Variants in FOXRED2 observed in about 807,000 individuals in gnomAD.
FOXRED2 encodes the protein FAD-dependent oxidoreductase domain-containing protein 2.
In FOXRED2, 32 loss-of-function variants were observed where a neutral mutation model predicts 52.5. That is an observed-to-expected ratio of 0.61 (90% CI 0.46 to 0.82). FOXRED2 has a LOEUF of 0.82. FOXRED2 is among the 40% of genes least tolerant of loss of function. FOXRED2 has a pLI of 0.00. For synonymous variants in FOXRED2, 405 were observed against 398.1 expected (o/e 1.02, Z -0.21); for missense variants, 848 against 937.5 (o/e 0.90, Z 1.25).
At position 36,506,411 on chromosome 22, in the gene FOXRED2, G is replaced by T; in HGVS notation, c.12C>A (p.Ser4=). The change falls in exon 2 of 9, where the codon TCC becomes TCA. Residue 4 remains serine (S), a synonymous_variant. Transcript: ENST00000397224. ...GGGGACCCCACAACGGGGCCGCAGCGGAGAGGCCCATCCTGCAGCAGATCA... is the reference window on the plus strand; with the variant it reads ...GGGGACCCCACAACGGGGCCGCAGCTGAGAGGCCCATCCTGCAGCAGATCA... The part of the protein sequence containing the change: MGL[S]AAAPLWGPPG... 9 of 1,436,308 alleles carry T rather than the reference G, an allele frequency of 6.3e-6. No individual in the cohort carries two copies. The highest frequency in any genetic ancestry group is 8.2e-6 in the Non-Finnish European group (9 of 1,100,320). 89.0% of individuals were successfully genotyped at this position (1,436,308 alleles called of 1,614,324 possible).
intron 4 of FOXRED2, among the ~76,000 whole-genome samples, chr22:36,503,851 G>A (rs764103773): frequency 4.6e-5 from 7 of 152,220 alleles, no homozygotes; most frequent in Non-Finnish European, 8.8e-5. Context: ...CCAACTCACA[G>A]GTGGAGGCTC....
rs777007431 is a variant in FOXRED2 at position 36,490,072 on chromosome 22, A to C, written c.1991T>G (p.Leu664Arg). ...AGGCCCTGGAGCCAGGGGGGAACCT[A>C]GTGGCTCTTGGTCGCCAAGCTGCTG... ...SSQQLGDQEP[L>R]GSPLAPGPLA... Residue 664 changes from leucine (L) to arginine (R), a missense_variant, in exon 9 of 9, where the codon CTA becomes CGA. Leu to Arg is a moderately radical substitution (Grantham distance 102). Coordinates refer to ENST00000397224, the MANE Select transcript of FOXRED2 (RefSeq NM_001102371.2). 6.2e-7 allele frequency: 1 copy of C among 1,613,330 alleles called. No homozygotes were observed. Among genetic ancestry groups the C allele is most frequent in the Non-Finnish European group, 8.5e-7 (1 of 1,179,458 alleles).
In FOXRED2 at chr22:36,504,594, C is replaced by T. The variant is rs756280822; in HGVS notation, c.700G>A (p.Gly234Ser). 47 of 1,614,022 alleles carry T rather than the reference C, an allele frequency of 2.9e-5. No homozygotes were observed. The highest frequency in any genetic ancestry group is 3.8e-5 in the Non-Finnish European group (45 of 1,180,024). The change falls in exon 3 of 9, where the codon GGT becomes AGT. Residue 234 changes from glycine (G) to serine (S), a missense_variant. Transcript: ENST00000397224. ...AGCATATGGATAAAGTTTGTGACACCCAAGATGTTCTCTGCTGTCTCAAAG... is the reference window on the plus strand; with the variant it reads ...AGCATATGGATAAAGTTTGTGACACTCAAGATGTTCTCTGCTGTCTCAAAG... ...SAFETAENIL[G>S]VTNFIHMLSR...
At position 36,506,252 on chromosome 22, in the gene FOXRED2, T is replaced by C. The variant is rs752540004; in HGVS notation, c.171A>G (p.Ala57=). The change falls in exon 2 of 9, where the codon GCA becomes GCG. Residue 57 remains alanine (A), a synonymous_variant. Coordinates refer to ENST00000397224, the MANE Select transcript of FOXRED2 (RefSeq NM_001102371.2). ...CGGGCCGCGGGGCCCGCTCGAACAC[T>C]GCGTAGTCGCGTCCAGCGCGCTGCA... ...YFLQRAGRDY[A]VFERAPRPGS... is the part of the protein sequence containing the mutation. 2 of 1,611,862 alleles carry C rather than the reference T, an allele frequency of 1.2e-6. No individual in the cohort carries two copies. Among genetic ancestry groups the C allele is most frequent in the Non-Finnish European group, 1.7e-6 (2 of 1,178,808 alleles).
chr22:36,493,235 C>T (rs1416226193), intron 8 of FOXRED2, among the ~76,000 whole-genome samples: 3 of 152,264 alleles, frequency 2.0e-5, no homozygotes, highest in Middle Eastern at 3.4e-3. Context: ...GAGGTCAGTT[C>T]GAGACCAGCC....
rs781174589 is a variant in FOXRED2 at position 36,505,915 on chromosome 22, C to T, written c.508G>A (p.Gly170Ser). ...CCTTACCTGCACTGATGCACCTGGCCCTTCTGGTCAGTTAGGATGAAGTAG... is the reference window on the plus strand; with the variant it reads ...CCTTACCTGCACTGATGCACCTGGCTCTTCTGGTCAGTTAGGATGAAGTAG... ...GHYFILTDQK[G>S]QVHQCSVLFV... The change falls in exon 2 of 9, where the codon GGC becomes AGC. Residue 170 changes from glycine (G) to serine (S), a missense_variant. Physicochemically the swap from Gly to Ser is moderately conservative, Grantham distance 56. Coordinates refer to ENST00000397224, the MANE Select transcript of FOXRED2 (RefSeq NM_001102371.2). 1.9e-6 allele frequency: 3 copies of T among 1,612,968 alleles called. No individual in the cohort carries two copies. The highest frequency in any genetic ancestry group is 2.2e-5 in the East Asian group (1 of 44,834).
At chr22:36,490,321 G>A (rs1933722923) in intron 8 of FOXRED2, 54 bp from the exon 9 acceptor site, 1 of 1,524,370 alleles carries the variant, frequency 6.6e-7, no homozygotes. Flanking sequence ...GTGGGGAGGG[G>A]TGCAGAAAGG....
chr22:36,490,931 G>A (rs1387701372), intron 8 of FOXRED2, among the ~76,000 whole-genome samples: 1 of 152,176 alleles, frequency 6.6e-6, no homozygotes, highest in Non-Finnish European at 1.5e-5. Flanking sequence ...CGAGGCCGGT[G>A]GATCGCCTGA....
At chr22:36,492,826 T>A (rs975556044) in intron 8 of FOXRED2, among the ~76,000 whole-genome samples, 4 of 152,190 alleles carry the variant, frequency 2.6e-5, no homozygotes, top group African/African-American at 9.7e-5. Flanking sequence ...CCTAAAAGTG[T>A]ATTTCTTGAG....
At position 36,498,387 on chromosome 22, in the gene FOXRED2, T is replaced by C. The variant is rs1166908121; in HGVS notation, c.1217-231A>G. On this transcript the variant is annotated intron_variant, in intron 5 of 8. Transcript: ENST00000397224. Reference sequence around the variant, plus strand: ...GGCCAGACAATCCATATTCTCTGCTTTGTGGGTCATACACGACTCAGTGAT... The same window carrying C: ...GGCCAGACAATCCATATTCTCTGCTCTGTGGGTCATACACGACTCAGTGAT... 4 of 546,088 alleles carry C rather than the reference T, an allele frequency of 7.3e-6. No homozygotes were observed. The African/African-American group carries it at 7.5e-5, about 10-fold the overall frequency. The allele number at this position is 546,088 out of a possible 1,614,324, so 33.8% of individuals were successfully genotyped here.
At position 36,487,385 on chromosome 22, in the gene FOXRED2, G is replaced by C. The variant is rs528725972; in HGVS notation, c.*2623C>G. The C allele has an allele frequency of 6.6e-6, 1 of 152,348 alleles. No individual in the cohort carries two copies. Among genetic ancestry groups the C allele is most frequent in the East Asian group, 1.9e-4 (1 of 5,188 alleles). 9.4% of individuals were successfully genotyped at this position (152,348 alleles called of 1,614,324 possible). A position where few individuals can be genotyped will look rare whatever the true frequency, so the allele number is the denominator to read the frequency against. ...TAATTCTGACTGGCTATTTTAAAGAGAGCAGGGGTATAAGCCAGAGTGGTG... is the reference window on the plus strand; with the variant it reads ...TAATTCTGACTGGCTATTTTAAAGACAGCAGGGGTATAAGCCAGAGTGGTG... On this transcript the variant is annotated 3_prime_UTR_variant, in exon 9 of 9. Transcript: ENST00000397224.
intron 4 of FOXRED2, 85 bp downstream of exon 4, chr22:36,504,013 G>T: frequency 7.0e-7 from 1 of 1,420,566 alleles, no homozygotes; most frequent in Non-Finnish European, 9.7e-7. Flanking sequence ...TCTGTCGCCA[G>T]CCTACTGAAC....
Position 36,504,141 on chromosome 22 carries a change from T to C in FOXRED2, c.1006A>G (p.Ile336Val). 6.2e-7 allele frequency: 1 copy of C among 1,614,230 alleles called. No homozygotes were observed. Among genetic ancestry groups the C allele is most frequent in the Non-Finnish European group, 8.5e-7 (1 of 1,180,038 alleles). Reference sequence around the variant, plus strand: ...TCAAAGTTCCAGCCCAGGCAGCGGATTACCCGGTCATAGGGCACGCGCATG... The same window carrying C: ...TCAAAGTTCCAGCCCAGGCAGCGGACTACCCGGTCATAGGGCACGCGCATG... ...FAMRVPYDRV[I>V]RCLGWNFDFS... The change falls in exon 4 of 9, where the codon ATC (isoleucine) becomes GTC (valine). Residue 336 changes from isoleucine to valine, a missense_variant. By Grantham distance (29) the Ile-to-Val change is conservative (BLOSUM62 3). Coordinates refer to ENST00000397224, the MANE Select transcript of FOXRED2 (RefSeq NM_001102371.2).
At chr22:36,495,836 CT>C (rs1933881356) in intron 7 of FOXRED2, 130 bp downstream of exon 7, 28 of 1,001,972 alleles carry the variant, frequency 2.8e-5, no homozygotes, top group Non-Finnish European at 3.0e-6. Context: ...CAAGTGGTCT[CT>C]AGGCAGAGTC....
In FOXRED2 at chr22:36,506,317, G is replaced by A. The variant is rs1467352211; in HGVS notation, c.106C>T (p.Leu36=). 1.3e-6 allele frequency: 2 copies of A among 1,541,422 alleles called. No individual in the cohort carries two copies. ...SVPPRRDYCV[L]GAGPAGLQMA... is the part of the protein sequence containing the mutation. ...TGCAGGCCCGCGGGCCCAGCGCCCA[G>A]CACGCAGTAGTCCCGGCGCGGGGGC... Residue 36 remains leucine, a synonymous_variant, in exon 2 of 9, where the codon CTG becomes TTG. Coordinates refer to ENST00000397224, the MANE Select transcript of FOXRED2 (RefSeq NM_001102371.2).
intron 6 of FOXRED2, 133 bp from the exon 7 acceptor site, chr22:36,496,341 A>G: frequency 9.3e-7 from 1 of 1,079,828 alleles, no homozygotes; most frequent in South Asian, 1.6e-5. Context: ...CACACCCCTC[A>G]CTTAACATTA....
In FOXRED2 at chr22:36,488,149, G is replaced by A. The variant is rs1262848668; in HGVS notation, c.*1859C>T. The A allele has an allele frequency of 1.3e-5, 2 of 151,478 alleles. No individual in the cohort carries two copies. The highest frequency in any genetic ancestry group is 2.9e-5 in the Non-Finnish European group (2 of 67,938). The allele number at this position is 151,478 out of a possible 1,614,324, so 9.4% of individuals were successfully genotyped here. ...GACCAAGCCAAGAGGGGAAGAGGAC[G>A]TCCCCATGAAAGAGCTTTGGATCCA... On this transcript the variant is annotated 3_prime_UTR_variant, in exon 9 of 9. Transcript: ENST00000397224.
chr22:36,497,918 T>C, intron 6 of FOXRED2, 73 bp downstream of exon 6: 1 of 1,501,184 alleles, frequency 6.7e-7, no homozygotes, highest in South Asian at 1.2e-5. Context: ...ACACCTGGAA[T>C]AGGAAGAGAA....
In FOXRED2 at chr22:36,498,154, G is replaced by C; in HGVS notation, c.1219C>G (p.Arg407Gly). 3 of 1,609,716 alleles carry C rather than the reference G, an allele frequency of 1.9e-6. No homozygotes were observed. The highest frequency in any genetic ancestry group is 2.5e-6 in the Non-Finnish European group (3 of 1,179,448). Residue 407 changes from arginine to glycine, a missense_variant and splice_region_variant, in exon 6 of 9, where the codon CGT becomes GGT. Transcript: ENST00000397224. The part of the protein sequence containing the change: ...GFIHGFRYTV[R>G]AVHRLLEHRH... ...TGCTCCAGGAGCCGGTGAACAGCACGCACTGGAACAGCCAGAGGGAGGAAC... is the reference window on the plus strand; with the variant it reads ...TGCTCCAGGAGCCGGTGAACAGCACCCACTGGAACAGCCAGAGGGAGGAAC...
Sources: gnomAD v4.1 joint callset for allele counts (sites outside exome capture counted in the v4.1 genomes callset) on GRCh38, gnomAD v4.1.1 for gene constraint, MANE v1.5 for transcripts, NCBI Gene and HGNC (gene_info 2026-07-23, HGNC 2026-07-21) for gene names.